The following RBFOX1 variants were observed in gnomAD, a reference collection of about 807,000 sequenced individuals.
The protein encoded by RBFOX1 is RNA binding protein fox-1 homolog 1.
RBFOX1 carries 8 observed loss-of-function variants against 57.7 expected under a neutral mutation model. That is an observed-to-expected ratio of 0.14 (90% CI 0.08 to 0.25). RBFOX1 has a LOEUF of 0.25. RBFOX1 is among the 10% of genes least tolerant of loss of function. The pLI is 1.00. For missense variants in RBFOX1, 611 were observed against 548.5 expected (o/e 1.11, Z -1.14); for synonymous variants, 326 against 222.4 (o/e 1.47, Z -4.15).
At chr16:6,988,005 G>T (rs990061619) in intron 3 of RBFOX1, among the ~76,000 whole-genome samples, 2 of 152,098 alleles carry the variant, frequency 1.3e-5, no homozygotes, top group African/African-American at 4.8e-5. Context: ...CGTCATCATG[G>T]TTATGTTTCT....
chr16:5,292,540 A>G lies in RBFOX1; in HGVS notation c.219+52435A>G, dbSNP rs145352459. Among the ~76,000 whole-genome samples the G allele has an allele frequency of 2.2e-3, 341 of 152,300 alleles. 1 individual carries two copies. Among genetic ancestry groups the G allele is most frequent in the Non-Finnish European group, 3.9e-3 (265 of 68,028 alleles). ...TATTTTCCATTAAGACCCAATGCAA[A>G]TAGGCACTCATGCACCGTCACCATC... On this transcript the variant is annotated intron_variant, in intron 1 of 2. Transcript: ENST00000585867.
intron 1 of RBFOX1, among the ~76,000 whole-genome samples, chr16:6,181,326 C>T (rs1430889102): frequency 6.6e-6 from 1 of 152,152 alleles, no homozygotes; most frequent in South Asian, 2.1e-4. Context: ...GGGATGAAGC[C>T]CTCATCTAGA....
intron 2 of RBFOX1, among the ~76,000 whole-genome samples, chr16:6,504,609 G>A (rs1197979675): frequency 6.6e-6 from 1 of 152,160 alleles, no homozygotes; most frequent in Non-Finnish European, 1.5e-5. Context: ...CCTCATGTTG[G>A]TAGATAGATG....
At chr16:6,320,872 C>T (rs567431856) in intron 2 of RBFOX1, among the ~76,000 whole-genome samples, 14 of 152,322 alleles carry the variant, frequency 9.2e-5, no homozygotes, top group African/African-American at 2.6e-4. Flanking sequence ...CAGCTCACTA[C>T]AGCCTTCACC....
At chr16:6,593,875 A>G (rs964864129) in intron 2 of RBFOX1, among the ~76,000 whole-genome samples, 2 of 152,174 alleles carry the variant, frequency 1.3e-5, no homozygotes, top group Non-Finnish European at 2.9e-5. Flanking sequence ...TTTAGGAAAG[A>G]TGTTTAAAGT....
At chr16:6,605,799 T>C (rs1228277246) in intron 2 of RBFOX1, among the ~76,000 whole-genome samples, 3 of 152,072 alleles carry the variant, frequency 2.0e-5, no homozygotes, top group Non-Finnish European at 4.4e-5. Context: ...CGGGAAACTA[T>C]ACTTGAAATA....
chr16:7,604,072 A>G (rs1411799710), intron 9 of RBFOX1, among the ~76,000 whole-genome samples: 2 of 152,164 alleles, frequency 1.3e-5, no homozygotes, highest in African/African-American at 4.8e-5. Flanking sequence ...GGATTTTCTA[A>G]TGGATCACAC....
chr16:5,933,241 C>T (rs770992119), intron 4 of RBFOX1, among the ~76,000 whole-genome samples: 1 of 152,148 alleles, frequency 6.6e-6, no homozygotes, highest in Admixed American at 6.5e-5. Context: ...AAGATTGTTG[C>T]GAGGTTCCGA....
intron 4 of RBFOX1, among the ~76,000 whole-genome samples, chr16:7,503,572 T>C (rs1489639328): frequency 6.6e-6 from 1 of 152,190 alleles, no homozygotes. Context: ...ATCTTGAATG[T>C]GAATTTGACA....
At chr16:7,128,545 A>C (rs567053113) in intron 4 of RBFOX1, among the ~76,000 whole-genome samples, 1 of 152,202 alleles carries the variant, frequency 6.6e-6, no homozygotes, top group Non-Finnish European at 1.5e-5. Context: ...AGGTAGAGAT[A>C]CAGCAGTGAG....
chr16:6,835,779 A>C (rs1475408611), intron 3 of RBFOX1, among the ~76,000 whole-genome samples: 3 of 129,774 alleles, frequency 2.3e-5, no homozygotes, highest in Non-Finnish European at 4.7e-5. Flanking sequence ...AAAAAAAAAA[A>C]AAGTTTGTAT....
At chr16:7,094,744 C>CTGTGTGTGTGTGTGTGTGTGTGTG (rs370249382) in intron 4 of RBFOX1, among the ~76,000 whole-genome samples, 1 of 139,352 alleles carries the variant, frequency 7.2e-6, no homozygotes, top group East Asian at 2.2e-4. Context: ...GACTGTACAG[C>CTGTGTGTGTGTGTGTGTGTGTGTG]TGTGTGTGTG....
At chr16:6,720,866 C>G (rs537680200) in intron 3 of RBFOX1, among the ~76,000 whole-genome samples, 2 of 152,140 alleles carry the variant, frequency 1.3e-5, no homozygotes, top group South Asian at 2.1e-4. Context: ...GATTCATTCC[C>G]TCTCTTTGCA....
At chr16:7,264,433 A>C (rs80069745) in intron 4 of RBFOX1, among the ~76,000 whole-genome samples, 11,846 of 152,246 alleles carry the variant, frequency 0.078, 635 homozygotes, top group Non-Finnish European at 0.11. Flanking sequence ...ACAGTAGTCC[A>C]GTGTCTTGCT....
chr16:5,640,718 C>A (rs1274284946), intron 3 of RBFOX1, among the ~76,000 whole-genome samples: 8 of 150,304 alleles, frequency 5.3e-5, no homozygotes, highest in Non-Finnish European at 1.0e-4. Context: ...CACACGTACA[C>A]TATGCATAGA....
At chr16:6,234,843 A>T (rs1012895268) in intron 1 of RBFOX1, among the ~76,000 whole-genome samples, 2 of 152,188 alleles carry the variant, frequency 1.3e-5, no homozygotes, top group Admixed American at 1.3e-4. Context: ...ACAGGCACAC[A>T]TGCAGTGAAA....
At chr16:6,585,095 T>G (rs561815896) in intron 2 of RBFOX1, among the ~76,000 whole-genome samples, 1 of 152,266 alleles carries the variant, frequency 6.6e-6, no homozygotes, top group East Asian at 1.9e-4. Flanking sequence ...CTGTGCACTT[T>G]CATAATACAC....
At chr16:5,335,997 A>G (rs1528327) in intron 1 of RBFOX1, among the ~76,000 whole-genome samples, 152,287 of 152,304 alleles carry the variant, frequency 1, 76,135 homozygotes, top group Middle Eastern at 1. Flanking sequence ...TTATTAGTCC[A>G]ATTTGGTAGG....
At chr16:7,460,271 C>G (rs2059291501) in intron 4 of RBFOX1, among the ~76,000 whole-genome samples, 1 of 150,624 alleles carries the variant, frequency 6.6e-6, no homozygotes, top group Admixed American at 6.7e-5. Context: ...TTTAATTTTC[C>G]TTTTTAGGAA....
Sources: gnomAD v4.1 joint callset for allele counts (sites outside exome capture counted in the v4.1 genomes callset) on GRCh38, gnomAD v4.1.1 for gene constraint, MANE v1.5 for transcripts, NCBI Gene and HGNC (gene_info 2026-07-23, HGNC 2026-07-21) for gene names.